The following ADAM12 variants were observed in gnomAD, a reference collection of about 807,000 sequenced individuals.
The protein encoded by ADAM12 is disintegrin and metalloproteinase domain-containing protein 12.
Under a neutral mutation model 106.4 loss-of-function variants are expected in ADAM12, and 70 were observed. The observed-to-expected ratio is 0.66, with a 90% CI of 0.54 to 0.80. The LOEUF is 0.80. Among genes scored for constraint, ADAM12 ranks in the 30% least tolerant of loss-of-function variants. The probability of loss-of-function intolerance (pLI) is 0.00; values close to 1 mark genes in which losing one functional copy is unlikely to be tolerated. For missense variants in ADAM12, 1,010 were observed against 1,171.9 expected, an observed-to-expected ratio of 0.86 and a Z score of 2.02; for synonymous variants, 420 against 433.5, an observed-to-expected ratio of 0.97 and a Z score of 0.39.
chr10:126,381,727 C>G (rs1436872048), intron 1 of ADAM12, among the ~76,000 whole-genome samples: 2 of 151,914 alleles, frequency 1.3e-5, no homozygotes, highest in Non-Finnish European at 2.9e-5. Flanking sequence ...GACTCAAACT[C>G]CTGACCTCAA....
At chr10:126,240,999 C>T (rs1958511815) in intron 3 of ADAM12, among the ~76,000 whole-genome samples, 1 of 152,204 alleles carries the variant, frequency 6.6e-6, no homozygotes, top group African/African-American at 2.4e-5. Flanking sequence ...ATGAATGGGG[C>T]ATGTCCATAA....
chr10:126,252,610 C>T lies in ADAM12; in HGVS notation c.260+26305G>A, dbSNP rs114301011. Among the ~76,000 whole-genome samples the T allele has an allele frequency of 1.4e-3, 218 of 152,278 alleles. 1 individual carries two copies. Among genetic ancestry groups the T allele is most frequent in the African/African-American group, 5.0e-3 (207 of 41,556 alleles). ...GAGAAAGTGGGCAAATTCACTTTTC[C>T]TCTATTTTTGTTCTATCCAGGCCCT... On this transcript the variant is annotated intron_variant, in intron 3 of 22. Transcript: ENST00000448723.
In ADAM12 at chr10:126,098,450, A is replaced by G. The variant is rs766293360; in HGVS notation, c.962T>C (p.Met321Thr). ...TTIGMAPIMS[M>T]CTADQSGGIV... ...TCCCCCAGACTGGTCTGCCGTGCACATGCTCATGATTGGGGCCATGCCGAT... is the reference window on the plus strand; with the variant it reads ...TCCCCCAGACTGGTCTGCCGTGCACGTGCTCATGATTGGGGCCATGCCGAT... Residue 321 changes from methionine (M) to threonine (T), a missense_variant, in exon 10 of 23, where the codon ATG becomes ACG. Physicochemically the swap from Met to Thr is moderately conservative, Grantham distance 81. This residue lies in a region of ADAM12 where 391 missense variants were observed against 442.9 expected (regional missense o/e 0.88). Coordinates refer to ENST00000448723, the MANE Select transcript of ADAM12 (RefSeq NM_001288973.2). 1.2e-6 allele frequency: 2 copies of G among 1,614,036 alleles called. No individual in the cohort carries two copies. Among genetic ancestry groups the G allele is most frequent in the Non-Finnish European group, 8.5e-7 (1 of 1,180,014 alleles).
chr10:126,310,299 T>C (rs1222833133), intron 2 of ADAM12, among the ~76,000 whole-genome samples: 4 of 147,302 alleles, frequency 2.7e-5, no homozygotes, highest in Non-Finnish European at 6.0e-5. Flanking sequence ...AGAACAGGAG[T>C]GGGAAAAGAA....
At chr10:126,106,350 G>A (rs183550862) in intron 8 of ADAM12, among the ~76,000 whole-genome samples, 28 of 152,170 alleles carry the variant, frequency 1.8e-4, no homozygotes, top group Middle Eastern at 3.4e-3. Context: ...CTTAGAGCCC[G>A]GCACACAGTA....
chr10:126,059,736 C>T lies in ADAM12; in HGVS notation c.1609+5070G>A, dbSNP rs186280371. ...TAAAATAGAAAAAACTAACACATTT[C>T]GGGAATTCTCTGATGCCAGTTGTTC... On this transcript the variant is annotated intron_variant, in intron 14 of 22. Transcript: ENST00000448723. Among the ~76,000 whole-genome samples the T allele has an allele frequency of 2.0e-4, 30 of 152,300 alleles. 1 individual carries two copies. The highest frequency in any genetic ancestry group is 1.0e-3 in the South Asian group (5 of 4,822).
chr10:126,263,448 A>G (rs1395739430), intron 3 of ADAM12, among the ~76,000 whole-genome samples: 1 of 150,790 alleles, frequency 6.6e-6, no homozygotes, highest in Non-Finnish European at 1.5e-5. Context: ...CTTCTCCCCT[A>G]TATCACACTA....
intron 2 of ADAM12, among the ~76,000 whole-genome samples, chr10:126,305,029 G>A (rs116588522): frequency 0.015 from 2,239 of 151,998 alleles, 62 homozygotes; most frequent in African/African-American, 0.051. Flanking sequence ...TATTTCTGGC[G>A]GGAAAGTAAA....
At chr10:126,317,259 G>A (rs1853912022) in intron 2 of ADAM12, among the ~76,000 whole-genome samples, 1 of 152,156 alleles carries the variant, frequency 6.6e-6, no homozygotes, top group Non-Finnish European at 1.5e-5. Flanking sequence ...CAAGCTAATG[G>A]CTCCCATGGA....
chr10:126,375,358 A>G (rs1856251001), intron 1 of ADAM12, among the ~76,000 whole-genome samples: 1 of 152,146 alleles, frequency 6.6e-6, no homozygotes, highest in Non-Finnish European at 1.5e-5. Context: ...AACAAAGCCT[A>G]GTATTTCCCC....
chr10:126,379,930 C>A (rs1238006904), intron 1 of ADAM12, among the ~76,000 whole-genome samples: 1 of 152,148 alleles, frequency 6.6e-6, no homozygotes, highest in East Asian at 1.9e-4. Context: ...GAAGACATGT[C>A]AAGGTGTTTC....
intron 3 of ADAM12, among the ~76,000 whole-genome samples, chr10:126,238,076 A>T (rs899044231): frequency 6.6e-6 from 1 of 152,286 alleles, no homozygotes; most frequent in African/African-American, 2.4e-5. Context: ...TCTTTAAAAA[A>T]AGATCATTAA....
chr10:126,352,588 T>C (rs934613970), intron 1 of ADAM12, among the ~76,000 whole-genome samples: 2 of 152,366 alleles, frequency 1.3e-5, no homozygotes, highest in Middle Eastern at 3.4e-3. Context: ...TCAGCGTTGC[T>C]ATGCATGTAA....
At chr10:126,235,796 T>C (rs1421071671) in intron 3 of ADAM12, among the ~76,000 whole-genome samples, 4 of 151,864 alleles carry the variant, frequency 2.6e-5, no homozygotes, top group African/African-American at 9.7e-5. Context: ...TCGAGGAGAG[T>C]GGCAGTGTTA....
In ADAM12 at chr10:126,277,287, G is replaced by A. The variant is rs542274231; in HGVS notation, c.260+1628C>T. 3.3e-5 allele frequency among the ~76,000 whole-genome samples: 5 copies of A among 152,184 alleles called. No homozygotes were observed. The East Asian group carries it at 9.7e-4, about 30-fold the overall frequency. ...AGTAAAAACAACTTAAGGTTTTTAT[G>A]AGGTCGATTTTTGCTTCTCTACCTG... On this transcript the variant is annotated intron_variant, in intron 3 of 22. Coordinates refer to ENST00000448723, the MANE Select transcript of ADAM12 (RefSeq NM_001288973.2).
chr10:126,280,045 G>A (rs925044928), intron 2 of ADAM12, among the ~76,000 whole-genome samples: 16 of 152,236 alleles, frequency 1.1e-4, no homozygotes, highest in African/African-American at 3.1e-4. Flanking sequence ...TCCAGAGCTC[G>A]AAAGATCTTT....
intron 9 of ADAM12, among the ~76,000 whole-genome samples, chr10:126,099,244 A>T (rs1344263014): frequency 6.6e-6 from 1 of 152,230 alleles, no homozygotes; most frequent in Non-Finnish European, 1.5e-5. Context: ...GAGTCAAATG[A>T]CTTACCAATG....
At position 126,079,086 on chromosome 10, in the gene ADAM12, T is replaced by G. The variant is rs1391617660; in HGVS notation, c.1146-7432A>C. On this transcript the variant is annotated intron_variant, in intron 11 of 22. Coordinates refer to ENST00000448723, the MANE Select transcript of ADAM12 (RefSeq NM_001288973.2). ...CACATTCTCAAGCCCCACTCAGACC[T>G]ACTAAGTCAGAAAACTCAAGGTAGG... is the stretch of plus-strand genomic sequence containing the variant. Among the ~76,000 whole-genome samples, 7 of 152,302 alleles carry G rather than the reference T, an allele frequency of 4.6e-5. No individual in the cohort carries two copies. In the East Asian group the frequency reaches 5.8e-4, roughly 13 times the overall value.
At chr10:126,253,236 T>C (rs2133691070) in intron 3 of ADAM12, among the ~76,000 whole-genome samples, 1 of 152,318 alleles carries the variant, frequency 6.6e-6, no homozygotes, top group African/African-American at 2.4e-5. Context: ...GCAATTTTTT[T>C]TTTTAAGACC....
Sources: gnomAD v4.1 joint callset for allele counts (sites outside exome capture counted in the v4.1 genomes callset) on GRCh38, gnomAD v4.1.1 for gene constraint, gnomAD v4.1.1 regional missense constraint, MANE v1.5 for transcripts, NCBI Gene and HGNC (gene_info 2026-07-23, HGNC 2026-07-21) for gene names.